The following CPNE9 variants were observed in gnomAD, a reference collection of about 807,000 sequenced individuals.
The protein encoded by CPNE9 is copine family member 9, also known as copine-9.
A neutral mutation model predicts 83.0 loss-of-function variants in CPNE9; 59 were observed. The ratio of observed to expected loss-of-function variants is 0.71; its 90% CI spans 0.58 to 0.88. The LOEUF (loss-of-function observed/expected upper bound fraction) is 0.88. CPNE9 is among the 40% of genes least tolerant of loss of function. The pLI is 0.00. For missense variants in CPNE9, 619 were observed against 720.8 expected (o/e 0.86, Z 1.62); for synonymous variants, 256 against 273.4 (o/e 0.94, Z 0.63).
At position 9,705,011 on chromosome 3, in the gene CPNE9, A is replaced by T. The variant is rs763236010; in HGVS notation, c.260+17A>T. 1 of 1,584,406 alleles carries T rather than the reference A, an allele frequency of 6.3e-7. No homozygotes were observed. The highest frequency in any genetic ancestry group is 8.6e-7 in the Non-Finnish European group (1 of 1,160,420). Reference sequence around the variant, plus strand: ...CTTCGATGTGTGAGGCCCCGCCTGGAATTCTGGCTTGGCCCGCCCCCGACC... The same window carrying T: ...CTTCGATGTGTGAGGCCCCGCCTGGTATTCTGGCTTGGCCCGCCCCCGACC... On this transcript the variant is annotated intron_variant, in intron 4 of 20. Transcript: ENST00000383832.
chr3:9,712,359 C>T (rs773265580), intron 7 of CPNE9, among the ~76,000 whole-genome samples, 182 bp from the exon 8 acceptor site: 21 of 152,170 alleles, frequency 1.4e-4, no homozygotes, highest in Non-Finnish European at 2.6e-4. Context: ...AACCCCTTTT[C>T]ACCAGACTGC....
intron 15 of CPNE9, among the ~76,000 whole-genome samples, chr3:9,717,828 G>A (rs1274086232): frequency 6.6e-6 from 1 of 152,090 alleles, no homozygotes; most frequent in Non-Finnish European, 1.5e-5. Flanking sequence ...GGGTAGGTAG[G>A]TAAATGGATG....
intron 7 of CPNE9, among the ~76,000 whole-genome samples, chr3:9,706,480 A>G (rs1419099954): frequency 1.3e-5 from 2 of 152,164 alleles, no homozygotes; most frequent in Non-Finnish European, 2.9e-5. Context: ...CCAGGGCTTC[A>G]TTCATTCCAC....
At chr3:9,728,684 GGATA>G (rs1165131807) in intron 20 of CPNE9, among the ~76,000 whole-genome samples, 2 of 152,120 alleles carry the variant, frequency 1.3e-5, no homozygotes. Context: ...GGTCATGGAT[GGATA>G]TATACATTTG....
chr3:9,725,635 TAC>T (rs369393860), intron 17 of CPNE9, among the ~76,000 whole-genome samples: 25,261 of 137,954 alleles, frequency 0.18, 2,631 homozygotes, highest in African/African-American at 0.3. Context: ...TATATGTATA[TAC>T]ATGTATGTGT....
At chr3:9,721,762 G>A (rs1486411260) in intron 17 of CPNE9, among the ~76,000 whole-genome samples, 1 of 152,152 alleles carries the variant, frequency 6.6e-6, no homozygotes, top group Non-Finnish European at 1.5e-5. Context: ...TCCAGATAAT[G>A]GACTGGGGAT....
At chr3:9,716,914 T>C in intron 14 of CPNE9, 144 bp from the exon 15 acceptor site, 1 of 801,864 alleles carries the variant, frequency 1.2e-6, no homozygotes, top group Non-Finnish European at 2.1e-6. Context: ...CTTGGGAGTT[T>C]GTTAGGCTCT....
intron 20 of CPNE9, among the ~76,000 whole-genome samples, chr3:9,727,849 G>A (rs568025955): frequency 5.2e-4 from 79 of 152,356 alleles, no homozygotes; most frequent in African/African-American, 1.8e-3. Flanking sequence ...TCATTAGTGA[G>A]GAAGCCTTTG....
At chr3:9,712,303 T>C (rs1169959741) in intron 7 of CPNE9, among the ~76,000 whole-genome samples, 1 of 152,178 alleles carries the variant, frequency 6.6e-6, no homozygotes, top group East Asian at 1.9e-4. Context: ...CTAAATCCCA[T>C]GTCTTTCTCA....
At chr3:9,707,352 CAAAAAA>C (rs779965477) in intron 7 of CPNE9, among the ~76,000 whole-genome samples, 5 of 50,976 alleles carry the variant, frequency 9.8e-5, no homozygotes, top group Non-Finnish European at 1.4e-4. Context: ...GATTCTGTCT[CAAAAAA>C]AAAAAAAAAA....
intron 17 of CPNE9, among the ~76,000 whole-genome samples, chr3:9,723,342 G>A (rs545730090): frequency 6.6e-6 from 1 of 152,112 alleles, no homozygotes; most frequent in South Asian, 2.1e-4. Context: ...CATGGTGGTG[G>A]GCGCCTGTAA....
intron 17 of CPNE9, among the ~76,000 whole-genome samples, chr3:9,719,978 A>G (rs899984943): frequency 2.6e-5 from 4 of 151,576 alleles, no homozygotes; most frequent in Non-Finnish European, 2.9e-5. Flanking sequence ...GCGACAGAGC[A>G]AGACTCTGTC....
chr3:9,725,708 GTATA>G (rs202177218), intron 17 of CPNE9, among the ~76,000 whole-genome samples: 2 of 109,758 alleles, frequency 1.8e-5, no homozygotes, highest in African/African-American at 5.4e-5. Context: ...GTATATATGT[GTATA>G]TATGTGTATA....
chr3:9,712,149 T>C (rs923070496), intron 7 of CPNE9, among the ~76,000 whole-genome samples: 1 of 152,194 alleles, frequency 6.6e-6, no homozygotes, highest in Non-Finnish European at 1.5e-5. Context: ...GAGTTGCTTT[T>C]CCTTCCATGC....
At position 9,727,172 on chromosome 3, in the gene CPNE9, CG is replaced by C. The variant is rs1559647188; in HGVS notation, c.1465del (p.Asp489ThrfsTer20). Reference sequence around the variant, plus strand: ...GTCCTCTAGGGGACGCTACGCAGAGCGGGACATCGTTCAGGTAGACCTGACG... The same window carrying C: ...GTCCTCTAGGGGACGCTACGCAGAGCGGACATCGTTCAGGTAGACCTGACG... ...RVSSRGRYAE[R>X]DIVQFVPFRD... On this transcript the variant is annotated frameshift_variant, in exon 20 of 21. Transcript: ENST00000383832. LOFTEE classifies it high-confidence loss of function. The C allele has an allele frequency of 6.8e-6, 11 of 1,614,110 alleles. No individual in the cohort carries two copies. The highest frequency in any genetic ancestry group is 9.3e-6 in the Non-Finnish European group (11 of 1,180,012).
chr3:9,705,419 T>TACCCCCCCCCC, intron 4 of CPNE9, 45 bp from the exon 5 acceptor site: 6 of 662,626 alleles, frequency 9.1e-6, no homozygotes, highest in East Asian at 3.0e-5. Context: ...TTCCACCCTC[T>TACCCCCCCCCC]CCCCCACCCA....
chr3:9,715,388 G>A (rs1260571172), intron 12 of CPNE9, 24 bp downstream of exon 12: 16 of 1,613,844 alleles, frequency 9.9e-6, no homozygotes, highest in Non-Finnish European at 8.5e-7. Flanking sequence ...CCCTGCCCAG[G>A]TCACCCAGGC....
intron 17 of CPNE9, among the ~76,000 whole-genome samples, chr3:9,720,896 G>A: frequency 6.6e-6 from 1 of 152,156 alleles, no homozygotes. Context: ...TGTGGCTTTG[G>A]TCAAGATTCT....
At chr3:9,705,681 C>A (rs758124402) in intron 5 of CPNE9, 37 bp from the exon 6 acceptor site, 1 of 1,613,576 alleles carries the variant, frequency 6.2e-7, no homozygotes, top group African/African-American at 1.3e-5. Context: ...ACTCACTGTT[C>A]CTCTTCCTTC....
Sources: allele counts gnomAD v4.1 joint callset (sites outside exome capture counted in the v4.1 genomes callset), GRCh38; gene constraint gnomAD v4.1.1; transcripts MANE v1.5; gene names NCBI Gene and HGNC (gene_info 2026-07-23, HGNC 2026-07-21).